The following EBF1 variants were observed in gnomAD, a reference collection of about 807,000 sequenced individuals.
EBF1 encodes the protein EBF transcription factor 1.
In EBF1, 10 loss-of-function variants were observed where a neutral mutation model predicts 68.4. That is an observed-to-expected ratio of 0.15 (90% confidence interval 0.09 to 0.25). EBF1 has a LOEUF of 0.25. Among genes scored for constraint, EBF1 ranks in the 10% least tolerant of loss-of-function variants. The pLI is 1.00. For missense variants in EBF1, 509 were observed against 794.4 expected, an observed-to-expected ratio of 0.64 and a Z score of 4.32; for synonymous variants, 298 against 299.8, an observed-to-expected ratio of 0.99 and a Z score of 0.06.
chr5:159,066,988 T>G (rs181955912), intron 6 of EBF1, among the ~76,000 whole-genome samples: 1 of 152,250 alleles, frequency 6.6e-6, no homozygotes, highest in East Asian at 1.9e-4. Flanking sequence ...TAACATCTCA[T>G]GCAAATTAAA....
intron 8 of EBF1, among the ~76,000 whole-genome samples, chr5:158,818,455 A>G (rs1244306587): frequency 6.6e-6 from 1 of 152,188 alleles, no homozygotes; most frequent in Non-Finnish European, 1.5e-5. Context: ...ACACCACCAT[A>G]TTGTCAGGGA....
At chr5:159,086,183 T>C (rs773535160) in intron 4 of EBF1, among the ~76,000 whole-genome samples, 26 of 152,150 alleles carry the variant, frequency 1.7e-4, no homozygotes, top group Non-Finnish European at 1.9e-4. Flanking sequence ...GACTAAAATG[T>C]TTATATTTTA....
chr5:158,743,117 T>C (rs1211580486), intron 10 of EBF1, among the ~76,000 whole-genome samples: 1 of 152,170 alleles, frequency 6.6e-6, no homozygotes, highest in Non-Finnish European at 1.5e-5. Flanking sequence ...AGACCTGTAA[T>C]TGGCTACCCA....
intron 6 of EBF1, among the ~76,000 whole-genome samples, chr5:158,880,162 A>T (rs1245292636): frequency 6.6e-6 from 1 of 152,096 alleles, no homozygotes; most frequent in Non-Finnish European, 1.5e-5. Context: ...GCGCTGTCAA[A>T]CTCTGGGTGC....
At chr5:158,955,100 G>A (rs748565400) in intron 6 of EBF1, among the ~76,000 whole-genome samples, 7 of 152,064 alleles carry the variant, frequency 4.6e-5, no homozygotes, top group African/African-American at 1.2e-4. Context: ...CGAGGAGGGC[G>A]GATCACGAGG....
chr5:158,834,169 G>A (rs569984571), intron 7 of EBF1, among the ~76,000 whole-genome samples: 1 of 152,274 alleles, frequency 6.6e-6, no homozygotes, highest in East Asian at 1.9e-4. Flanking sequence ...CATTCTGCCA[G>A]TCCCCAAAAG....
At chr5:158,848,498 A>G (rs1791975267) in intron 6 of EBF1, among the ~76,000 whole-genome samples, 1 of 152,208 alleles carries the variant, frequency 6.6e-6, no homozygotes, top group Non-Finnish European at 1.5e-5. Context: ...TTTAACCATA[A>G]TGAAAGACCA....
chr5:158,924,710 G>A (rs982203683), intron 6 of EBF1, among the ~76,000 whole-genome samples: 1 of 151,854 alleles, frequency 6.6e-6, no homozygotes, highest in Admixed American at 6.6e-5. Context: ...AAAATTAGCC[G>A]GGCGTGGTGG....
chr5:158,921,654 C>T (rs1808460956), intron 6 of EBF1, among the ~76,000 whole-genome samples: 1 of 152,188 alleles, frequency 6.6e-6, no homozygotes, highest in South Asian at 2.1e-4. Flanking sequence ...GTGATGAATA[C>T]TGAATTCATC....
intron 6 of EBF1, among the ~76,000 whole-genome samples, chr5:158,999,944 G>A (rs966797147): frequency 6.6e-6 from 1 of 152,226 alleles, no homozygotes; most frequent in Non-Finnish European, 1.5e-5. Context: ...AGTATTGTGT[G>A]GAGCAGCAGT....
At chr5:158,724,288 C>T (rs1196228443) in intron 11 of EBF1, among the ~76,000 whole-genome samples, 2 of 151,968 alleles carry the variant, frequency 1.3e-5, no homozygotes, top group Non-Finnish European at 1.5e-5. Context: ...TAATGTTAAT[C>T]GAGTTTCCTC....
intron 4 of EBF1, 47 bp from the exon 5 acceptor site, chr5:159,084,786 G>GAAA (rs770261650): frequency 9.3e-5 from 100 of 1,078,528 alleles, no homozygotes; most frequent in South Asian, 3.4e-4. Flanking sequence ...AGGAGTAGCA[G>GAAA]AAAAAAAAAA....
In EBF1 at chr5:159,030,931, C is replaced by T. The variant is rs117787221; in HGVS notation, c.554+42465G>A. On this transcript the variant is annotated intron_variant, in intron 6 of 15. Transcript: ENST00000313708. ...TTCATGCCTATAATCCCAGCACTTT[C>T]GGAGCTCGAGGCAGGCGGATTACCT... is the stretch of plus-strand genomic sequence containing the variant. Among the ~76,000 whole-genome samples the T allele has an allele frequency of 2.3e-4, 35 of 152,084 alleles. No individual in the cohort carries two copies. The East Asian group carries it at 6.2e-3, about 27-fold the overall frequency.
intron 6 of EBF1, among the ~76,000 whole-genome samples, chr5:158,997,203 G>A (rs541429428): frequency 7.9e-5 from 12 of 152,214 alleles, no homozygotes; most frequent in East Asian, 5.8e-4. Flanking sequence ...TCCCAAGAAC[G>A]CTGAGCAACA....
At chr5:158,923,943 A>G (rs1037704802) in intron 6 of EBF1, among the ~76,000 whole-genome samples, 1 of 152,190 alleles carries the variant, frequency 6.6e-6, no homozygotes, top group African/African-American at 2.4e-5. Context: ...CAACATTTTA[A>G]TGGTCTTACT....
At chr5:158,949,406 G>A (rs115888303) in intron 6 of EBF1, among the ~76,000 whole-genome samples, 3,549 of 152,256 alleles carry the variant, frequency 0.023, 142 homozygotes, top group African/African-American at 0.082. Flanking sequence ...AAGATGGGAG[G>A]ATTGCTTGAG....
At chr5:159,038,908 T>C (rs1770635094) in intron 6 of EBF1, among the ~76,000 whole-genome samples, 1 of 152,130 alleles carries the variant, frequency 6.6e-6, no homozygotes. Context: ...TGGGCCCCCA[T>C]CTACAAAATG....
At chr5:158,781,737 C>A (rs1205361196) in intron 9 of EBF1, among the ~76,000 whole-genome samples, 1 of 152,154 alleles carries the variant, frequency 6.6e-6, no homozygotes, top group Non-Finnish European at 1.5e-5. Context: ...CCCACTGGCT[C>A]TTCTCTGCTT....
At chr5:158,758,912 T>G (rs1371755988) in intron 10 of EBF1, among the ~76,000 whole-genome samples, 3 of 152,202 alleles carry the variant, frequency 2.0e-5, no homozygotes, top group Non-Finnish European at 4.4e-5. Flanking sequence ...CCCATATTTA[T>G]CACCACATTT....
Sources: allele counts gnomAD v4.1 joint callset (sites outside exome capture counted in the v4.1 genomes callset), GRCh38; gene constraint gnomAD v4.1.1; transcripts MANE v1.5; gene names NCBI Gene and HGNC (gene_info 2026-07-23, HGNC 2026-07-21).